The following BNC2 variants were observed in gnomAD, a reference collection of about 807,000 sequenced individuals.
The protein encoded by BNC2 is basonuclin zinc finger protein 2, also known as zinc finger protein basonuclin-2.
In BNC2, 20 loss-of-function variants were observed where a neutral mutation model predicts 76.3. The ratio of observed to expected loss-of-function variants is 0.26; its 90% CI spans 0.18 to 0.38. The LOEUF is 0.38. Among genes scored for constraint, BNC2 ranks in the 10% least tolerant of loss-of-function variants. The pLI is 1.00. For synonymous variants in BNC2, 582 were observed against 514.8 expected (o/e 1.13, Z -1.77); for missense variants, 1,382 against 1,399.8 (o/e 0.99, Z 0.20).
At chr9:16,830,047 A>C (rs80023928) in intron 1 of BNC2, among the ~76,000 whole-genome samples, 9 of 152,318 alleles carry the variant, frequency 5.9e-5, no homozygotes, top group African/African-American at 1.9e-4. Context: ...ATAAATGCTT[A>C]TATCTGTGAA....
chr9:16,806,548 G>A (rs1172042727), intron 1 of BNC2, among the ~76,000 whole-genome samples: 2 of 152,126 alleles, frequency 1.3e-5, no homozygotes, highest in African/African-American at 2.4e-5. Flanking sequence ...TAAGTAAAGT[G>A]TTGCTTTTTA....
intron 2 of BNC2, among the ~76,000 whole-genome samples, chr9:16,735,227 G>A (rs1290972774): frequency 1.3e-5 from 2 of 151,986 alleles, no homozygotes; most frequent in Non-Finnish European, 2.9e-5. Context: ...CCTACAAAAG[G>A]TCAAACATTT....
chr9:16,445,253 C>G (rs1009168390), intron 5 of BNC2, among the ~76,000 whole-genome samples: 1 of 152,182 alleles, frequency 6.6e-6, no homozygotes, highest in Non-Finnish European at 1.5e-5. Flanking sequence ...TTGCTGGGCA[C>G]TGACGGAGGA....
At chr9:16,515,080 A>G (rs186552058) in intron 5 of BNC2, among the ~76,000 whole-genome samples, 5 of 152,344 alleles carry the variant, frequency 3.3e-5, no homozygotes, top group East Asian at 3.9e-4. Flanking sequence ...GGCTATTTAC[A>G]TAATTCTTGC....
intron 2 of BNC2, among the ~76,000 whole-genome samples, chr9:16,737,755 T>C (rs1210775942): frequency 6.6e-6 from 1 of 152,132 alleles, no homozygotes; most frequent in Non-Finnish European, 1.5e-5. Flanking sequence ...AACCTATTAA[T>C]GGCAAGTTAA....
intron 3 of BNC2, among the ~76,000 whole-genome samples, chr9:16,633,796 G>C (rs990372642): frequency 1.3e-5 from 2 of 152,078 alleles, no homozygotes; most frequent in Admixed American, 1.3e-4. Context: ...ACCACCCAAA[G>C]AAAACATCTA....
Position 16,433,857 on chromosome 9 carries a change from C to T in BNC2, c.2639+1698G>A, listed in dbSNP as rs145039740. Among the ~76,000 whole-genome samples, 35 of 152,236 alleles carry T rather than the reference C, an allele frequency of 2.3e-4. No homozygotes were observed. The East Asian group carries it at 6.6e-3, about 29-fold the overall frequency. On this transcript the variant is annotated intron_variant, in intron 6 of 6. Coordinates refer to ENST00000380672, the MANE Select transcript of BNC2 (RefSeq NM_017637.6). ...ACTCCATTTCCATAAATATTTTATG[C>T]AGGTTTTCATGAGTCTTTTATTTTT...
At chr9:16,856,114 A>C (rs1363409588) in intron 1 of BNC2, among the ~76,000 whole-genome samples, 3 of 152,148 alleles carry the variant, frequency 2.0e-5, no homozygotes, top group Admixed American at 2.0e-4. Flanking sequence ...TATCTATTGC[A>C]AAATGAAAGT....
chr9:16,581,888 T>C (rs1819638364), intron 4 of BNC2, among the ~76,000 whole-genome samples: 2 of 152,096 alleles, frequency 1.3e-5, no homozygotes, highest in African/African-American at 4.8e-5. Flanking sequence ...GGTGGAAACA[T>C]ACCCCTTCCC....
intron 5 of BNC2, among the ~76,000 whole-genome samples, chr9:16,528,064 T>G (rs1817865828): frequency 1.3e-5 from 2 of 152,130 alleles, no homozygotes; most frequent in Non-Finnish European, 2.9e-5. Flanking sequence ...TAAAATGGAC[T>G]TGGAAGTGAG....
At chr9:16,473,872 C>G (rs1190353758) in intron 5 of BNC2, among the ~76,000 whole-genome samples, 1 of 151,594 alleles carries the variant, frequency 6.6e-6, no homozygotes, top group African/African-American at 2.4e-5. Context: ...GACTCTGTCT[C>G]AAAAATAAAT....
rs947535787 is a variant in BNC2, at chr9:16,449,918, T to C, written c.670-12394A>G. On this transcript the variant is annotated intron_variant, in intron 5 of 6. Coordinates refer to ENST00000380672, the MANE Select transcript of BNC2 (RefSeq NM_017637.6). ...TTTCCTATTATTTTGATAGCTGATA[T>C]GGCATTCTGGAAGTATTTTCCAAGG... Among the ~76,000 whole-genome samples the C allele has an allele frequency of 2.0e-5, 3 of 152,108 alleles. No individual in the cohort carries two copies. In the South Asian group the frequency reaches 6.2e-4, roughly 31 times the overall value.
intron 1 of BNC2, among the ~76,000 whole-genome samples, chr9:16,825,879 G>C (rs1040332869): frequency 6.7e-6 from 1 of 148,360 alleles, no homozygotes; most frequent in African/African-American, 2.5e-5. Flanking sequence ...TTTTTTTTTT[G>C]CATGTGTCAT....
intron 5 of BNC2, among the ~76,000 whole-genome samples, chr9:16,455,462 A>T (rs1821426871): frequency 6.6e-6 from 1 of 152,240 alleles, no homozygotes; most frequent in Non-Finnish European, 1.5e-5. Context: ...CACAGAAATA[A>T]AACAATGTTA....
At chr9:16,832,210 G>T in intron 1 of BNC2, 1 of 1,125,298 alleles carries the variant, frequency 8.9e-7, no homozygotes, top group Non-Finnish European at 1.2e-6. Flanking sequence ...GTCTTCAAAG[G>T]AAAAATATGA....
chr9:16,800,754 G>A (rs745726468), intron 1 of BNC2, among the ~76,000 whole-genome samples: 1 of 152,138 alleles, frequency 6.6e-6, no homozygotes, highest in African/African-American at 2.4e-5. Context: ...CTGAGGCACT[G>A]CCAACATCAA....
chr9:16,841,967 G>A (rs564830055), intron 1 of BNC2, among the ~76,000 whole-genome samples: 32 of 152,056 alleles, frequency 2.1e-4, no homozygotes, highest in Non-Finnish European at 2.4e-4. Context: ...GCACTACCAC[G>A]TCCATCTAAT....
intron 1 of BNC2, among the ~76,000 whole-genome samples, chr9:16,855,599 G>A (rs1286990068): frequency 6.6e-6 from 1 of 152,074 alleles, no homozygotes; most frequent in Non-Finnish European, 1.5e-5. Context: ...GTGCAGCGGC[G>A]CAATCTCGGC....
intron 1 of BNC2, among the ~76,000 whole-genome samples, chr9:16,831,812 A>G (rs1003776915): frequency 1.5e-4 from 23 of 152,246 alleles, no homozygotes; most frequent in African/African-American, 5.5e-4. Flanking sequence ...TGTCACACCA[A>G]TTGCATCAAG....
Sources: gnomAD v4.1 joint callset for allele counts (sites outside exome capture counted in the v4.1 genomes callset) on GRCh38, gnomAD v4.1.1 for gene constraint, MANE v1.5 for transcripts, NCBI Gene and HGNC (gene_info 2026-07-23, HGNC 2026-07-21) for gene names.